RAD21L1: variants seen among roughly 807,000 people sequenced by gnomAD.
The protein encoded by RAD21L1 is double-strand-break repair protein rad21-like protein 1.
RAD21L1 carries 47 observed loss-of-function variants against 69.0 expected under a neutral mutation model. The observed-to-expected ratio is 0.68, with a 90% CI of 0.54 to 0.87. RAD21L1 has a LOEUF of 0.87. Among genes scored for constraint, RAD21L1 ranks in the 40% least tolerant of loss-of-function variants. The pLI is 0.00. For synonymous variants in RAD21L1, 177 were observed against 205.8 expected, an observed-to-expected ratio of 0.86 and a Z score of 1.20; for missense variants, 583 against 647.6, an observed-to-expected ratio of 0.90 and a Z score of 1.08.
intron 13 of RAD21L1, among the ~76,000 whole-genome samples, chr20:1,250,594 T>C (rs1257049448): frequency 1.3e-5 from 2 of 152,234 alleles, no homozygotes; most frequent in African/African-American, 4.8e-5. Flanking sequence ...ATTTTCTTAA[T>C]CCAGTCTATC....
chr20:1,233,877 G>A (rs2122786178), intron 4 of RAD21L1, among the ~76,000 whole-genome samples: 1 of 152,204 alleles, frequency 6.6e-6, no homozygotes, highest in South Asian at 2.1e-4. Context: ...GTTTGTTTGT[G>A]CAAATAAGAT....
intron 13 of RAD21L1, among the ~76,000 whole-genome samples, chr20:1,251,909 A>G (rs937143061): frequency 2.6e-5 from 4 of 152,194 alleles, no homozygotes; most frequent in African/African-American, 9.6e-5. Context: ...TAAAGTATGC[A>G]TTATATAAGT....
Position 1,237,979 on chromosome 20 carries a change from A to G in RAD21L1, c.476-65A>G, listed in dbSNP as rs188395897. ...CAAGATTATGCTAGATGATATCTGA[A>G]TTTCCTTCTAACCCTATAATTCTGT... On this transcript the variant is annotated intron_variant, in intron 5 of 13. Transcript: ENST00000683101. The G allele has an allele frequency of 1.5e-3, 1,293 of 858,444 alleles. 13 individuals carry two copies. The African/African-American group carries it at 0.02, about 13-fold the overall frequency. 53.2% of individuals were successfully genotyped at this position (858,444 alleles called of 1,614,324 possible). A position where few individuals can be genotyped will look rare whatever the true frequency, so the allele number is the denominator to read the frequency against.
rs376006978 is a variant in RAD21L1, at chr20:1,248,613, A to G, written c.1402-13A>G. The G allele has an allele frequency of 1.8e-5, 26 of 1,463,488 alleles. No homozygotes were observed. The highest frequency in any genetic ancestry group is 1.7e-4 in the Middle Eastern group (1 of 5,758). 90.7% of individuals were successfully genotyped at this position (1,463,488 alleles called of 1,614,324 possible). ...TTTGCTTAAATTAAATATTTTATCTATCATTCAAACAGGAGTCATTGAGCA... is the reference window on the plus strand; with the variant it reads ...TTTGCTTAAATTAAATATTTTATCTGTCATTCAAACAGGAGTCATTGAGCA... On this transcript the variant is annotated splice_polypyrimidine_tract_variant and intron_variant, in intron 12 of 13. Transcript: ENST00000683101.
At chr20:1,241,791 A>G (rs1157984695) in intron 8 of RAD21L1, among the ~76,000 whole-genome samples, 1 of 152,156 alleles carries the variant, frequency 6.6e-6, no homozygotes, top group Non-Finnish European at 1.5e-5. Context: ...GTTCCTGTAC[A>G]TTTTGGCTCC....
chr20:1,231,719 C>A, intron 4 of RAD21L1, 100 bp downstream of exon 4: 1 of 649,202 alleles, frequency 1.5e-6, no homozygotes, highest in Non-Finnish European at 2.7e-6. Context: ...AACAACTGCA[C>A]AAGTACAGAT....
At chr20:1,237,517 T>TA (rs2087524955) in intron 5 of RAD21L1, among the ~76,000 whole-genome samples, 1 of 151,864 alleles carries the variant, frequency 6.6e-6, no homozygotes, top group Non-Finnish European at 1.5e-5. Context: ...GTTTGTCTTT[T>TA]TTTTTTTTTA....
In RAD21L1 at chr20:1,230,023, A is replaced by G; in HGVS notation, c.274+14A>G. On this transcript the variant is annotated intron_variant, in intron 3 of 13. Coordinates refer to ENST00000683101, the MANE Select transcript of RAD21L1 (RefSeq NM_001384355.1). ...CATTTTGCCCAGGTATACATGTAAT[A>G]TTGATTTGTCTCCTTCTTGGTTCCC... 6.5e-7 allele frequency: 1 copy of G among 1,531,352 alleles called. No individual in the cohort carries two copies. The highest frequency in any genetic ancestry group is 8.8e-7 in the Non-Finnish European group (1 of 1,132,246). The allele number at this position is 1,531,352 out of a possible 1,614,324, so 94.9% of individuals were successfully genotyped here. A position where few individuals can be genotyped will look rare whatever the true frequency, so the allele number is the denominator to read the frequency against.
In RAD21L1 at chr20:1,246,166, A is replaced by G. The variant is rs757002652; in HGVS notation, c.1309-47A>G. 3.0e-6 allele frequency: 3 copies of G among 1,008,550 alleles called. No homozygotes were observed. The highest frequency in any genetic ancestry group is 4.4e-6 in the Non-Finnish European group (3 of 684,444). 62.5% of individuals were successfully genotyped at this position (1,008,550 alleles called of 1,614,324 possible). A position where few individuals can be genotyped will look rare whatever the true frequency, so the allele number is the denominator to read the frequency against. On this transcript the variant is annotated intron_variant, in intron 11 of 13. Transcript: ENST00000683101. This position sits in a 1 kb window ranked among gnomAD's most constrained non-coding sequence, Gnocchi z 4.6. ...TTTAATAAAATTAGATTGTTCCTGT[A>G]TAACCACTGGCAGATTTACCTAACT...
intron 5 of RAD21L1, among the ~76,000 whole-genome samples, chr20:1,235,254 T>C (rs1165376164): frequency 6.6e-6 from 1 of 152,136 alleles, no homozygotes; most frequent in Non-Finnish European, 1.5e-5. Flanking sequence ...AGATGGCCTA[T>C]GTCTATCTTG....
chr20:1,245,727 G>A (rs1600228409), intron 11 of RAD21L1, among the ~76,000 whole-genome samples: 1 of 152,060 alleles, frequency 6.6e-6, no homozygotes, highest in Non-Finnish European at 1.5e-5. Context: ...GACAGCTCCA[G>A]CAGTGGTGGC....
At chr20:1,248,202 C>T (rs2087755807) in intron 12 of RAD21L1, among the ~76,000 whole-genome samples, 1 of 151,946 alleles carries the variant, frequency 6.6e-6, no homozygotes, top group Admixed American at 6.6e-5. Flanking sequence ...GCTTCCATTA[C>T]CAGATAAGTT....
chr20:1,251,620 C>T (rs1045190107), intron 13 of RAD21L1, among the ~76,000 whole-genome samples: 18 of 151,800 alleles, frequency 1.2e-4, no homozygotes, highest in African/African-American at 4.1e-4. Flanking sequence ...TGTTGGATCT[C>T]CTGAACTACT....
intron 4 of RAD21L1, among the ~76,000 whole-genome samples, chr20:1,233,438 A>T (rs1331090637): frequency 2.0e-5 from 3 of 152,250 alleles, no homozygotes; most frequent in Non-Finnish European, 4.4e-5. Context: ...GTGATACCTC[A>T]GAGGCCAAGA....
At chr20:1,235,402 A>C (rs1236014969) in intron 5 of RAD21L1, among the ~76,000 whole-genome samples, 1 of 152,076 alleles carries the variant, frequency 6.6e-6, no homozygotes, top group African/African-American at 2.4e-5. Context: ...GTTTTCTAAT[A>C]TTTGTCCATT....
In RAD21L1 at chr20:1,238,107, G is replaced by A. The variant is rs911533757; in HGVS notation, c.539G>A (p.Ser180Asn). 2 of 1,542,760 alleles carry A rather than the reference G, an allele frequency of 1.3e-6. No homozygotes were observed. Among genetic ancestry groups the A allele is most frequent in the Non-Finnish European group, 1.8e-6 (2 of 1,140,782 alleles). ...GATGACAACATATTACTGAATTCCA[G>A]TGGTCCTTTAATTGAACATAGTTCT... ...FFDDNILLNS[S>N]GPLIEHSSGS... The change falls in exon 6 of 14, where the codon AGT becomes AAT. Residue 180 changes from serine (S) to asparagine (N), a missense_variant. Ser to Asn is a conservative substitution (Grantham distance 46, BLOSUM62 1). Transcript: ENST00000683101.
intron 11 of RAD21L1, among the ~76,000 whole-genome samples, chr20:1,245,129 G>A (rs185649359): frequency 6.6e-6 from 1 of 152,276 alleles, no homozygotes; most frequent in Admixed American, 6.5e-5. Context: ...CCATGGGCTT[G>A]AAGTAGAGAG....
intron 1 of RAD21L1, among the ~76,000 whole-genome samples, chr20:1,227,206 A>C (rs558678276): frequency 1.4e-3 from 216 of 152,362 alleles, no homozygotes; most frequent in Non-Finnish European, 2.3e-3. Flanking sequence ...CCACTGCGCC[A>C]GGCCAAAAAG....
At chr20:1,237,796 A>G (rs1039993660) in intron 5 of RAD21L1, among the ~76,000 whole-genome samples, 1 of 152,164 alleles carries the variant, frequency 6.6e-6, no homozygotes, top group Non-Finnish European at 1.5e-5. Context: ...ACTATATCAC[A>G]ACTATAAACT....
Sources: gnomAD v4.1 joint callset for allele counts (sites outside exome capture counted in the v4.1 genomes callset) on GRCh38, gnomAD v4.1.1 for gene constraint, Gnocchi (gnomAD v3.1) non-coding constraint, MANE v1.5 for transcripts, NCBI Gene and HGNC (gene_info 2026-07-23, HGNC 2026-07-21) for gene names.